Variants in UBN2 observed in about 807,000 individuals in gnomAD.
UBN2 encodes ubinuclein 2, also known as ubinuclein-2.
UBN2 carries 35 observed loss-of-function variants against 120.2 expected under a neutral mutation model. The observed-to-expected ratio is 0.29, with a 90% CI of 0.22 to 0.39. UBN2 has a LOEUF of 0.39. UBN2 is among the 10% of genes least tolerant of loss of function. The pLI, the probability that UBN2 is intolerant of heterozygous loss-of-function variation, is 1.00. For synonymous variants in UBN2, 661 were observed against 648.7 expected, an observed-to-expected ratio of 1.02 and a Z score of -0.29; for missense variants, 1,693 against 1,663.2, an observed-to-expected ratio of 1.02 and a Z score of -0.31.
intron 15 of UBN2, among the ~76,000 whole-genome samples, chr7:139,289,976 C>T (rs1563227106): frequency 6.6e-6 from 1 of 152,152 alleles, no homozygotes; most frequent in East Asian, 1.9e-4. Flanking sequence ...TCACTGCAAC[C>T]TCTGCCTCCC....
intron 7 of UBN2, among the ~76,000 whole-genome samples, chr7:139,266,645 A>G (rs1474297607): frequency 6.6e-6 from 1 of 152,236 alleles, no homozygotes; most frequent in Non-Finnish European, 1.5e-5. Flanking sequence ...AGTGACGACT[A>G]TGCAGGTTGG....
intron 15 of UBN2, among the ~76,000 whole-genome samples, chr7:139,291,307 G>C (rs939797584): frequency 7.2e-6 from 1 of 138,760 alleles, no homozygotes; most frequent in Non-Finnish European, 1.5e-5. Context: ...GTTGCAGTGA[G>C]CCAAGATCGC....
intron 6 of UBN2, among the ~76,000 whole-genome samples, chr7:139,264,139 C>T (rs1169358402): frequency 6.6e-6 from 1 of 152,266 alleles, no homozygotes; most frequent in African/African-American, 2.4e-5. Context: ...TTTTTGCCTT[C>T]ACCAAATCAT....
the UBN2 span, among the ~76,000 whole-genome samples, chr7:139,326,862 T>C: frequency 6.6e-6 from 1 of 152,242 alleles, no homozygotes; most frequent in South Asian, 2.1e-4. Flanking sequence ...CACTGCAAAC[T>C]GTGGTGACTG....
At chr7:139,258,466 A>G in intron 3 of UBN2, 22 bp from the exon 4 acceptor site, 1 of 1,531,508 alleles carries the variant, frequency 6.5e-7, no homozygotes, top group Non-Finnish European at 8.8e-7. Context: ...TATAGCGGAA[A>G]CTTTTTTGTT....
Position 139,261,273 on chromosome 7 carries a change from C to A in UBN2, c.927C>A (p.His309Gln), listed in dbSNP as rs867014844. Reference sequence around the variant, plus strand: ...ACAGAGTTGTGGCTCTAAATTCACACAAGTCTGAAAAAAAGAAGAAACGTT... The same window carrying A: ...ACAGAGTTGTGGCTCTAAATTCACAAAAGTCTGAAAAAAAGAAGAAACGTT... ...KQLGVVALNS[H>Q]KSEKKKKRYK... is the part of the protein sequence containing the mutation. The change falls in exon 6 of 18, where the codon CAC (histidine) becomes CAA (glutamine). Residue 309 changes from histidine (H) to glutamine (Q), a missense_variant. Coordinates refer to ENST00000473989, the MANE Select transcript of UBN2 (RefSeq NM_173569.4). The A allele has an allele frequency of 1.2e-6, 2 of 1,608,422 alleles. No individual in the cohort carries two copies. Among genetic ancestry groups the A allele is most frequent in the Non-Finnish European group, 8.5e-7 (1 of 1,178,050 alleles).
chr7:139,268,763 G>A (rs1056090212), intron 7 of UBN2, among the ~76,000 whole-genome samples: 4 of 152,182 alleles, frequency 2.6e-5, no homozygotes, highest in African/African-American at 9.6e-5. Context: ...GAGGAAAGGA[G>A]CTTTTGGTTA....
At chr7:139,282,541 C>T (rs909985050) in intron 14 of UBN2, among the ~76,000 whole-genome samples, 2 of 152,082 alleles carry the variant, frequency 1.3e-5, no homozygotes, top group African/African-American at 2.4e-5. Flanking sequence ...TATGTACTGG[C>T]TGTAGGGTAG....
intron 17 of UBN2, among the ~76,000 whole-genome samples, chr7:139,296,090 A>G (rs1798102347): frequency 6.6e-6 from 1 of 152,220 alleles, no homozygotes; most frequent in Non-Finnish European, 1.5e-5. Context: ...AATGTTTTTT[A>G]ATGACTTCAT....
chr7:139,252,460 T>C (rs917435551), intron 3 of UBN2, among the ~76,000 whole-genome samples: 1 of 152,212 alleles, frequency 6.6e-6, no homozygotes, highest in Non-Finnish European at 1.5e-5. Flanking sequence ...ACTTTATCTA[T>C]GGTCTGTGAA....
the UBN2 span, among the ~76,000 whole-genome samples, chr7:139,313,651 G>A: frequency 6.6e-6 from 1 of 151,968 alleles, no homozygotes; most frequent in Non-Finnish European, 1.5e-5. Context: ...TATTTTAATG[G>A]GAACATTAAA....
At position 139,275,970 on chromosome 7, in the gene UBN2, T is replaced by C. The variant is rs531358881; in HGVS notation, c.1974-127T>C. 1,358 of 727,538 alleles carry C rather than the reference T, an allele frequency of 1.9e-3. 3 individuals are homozygous for C. Among genetic ancestry groups the C allele is most frequent in the Admixed American group, 3.1e-3 (120 of 38,200 alleles). The allele number at this position is 727,538 out of a possible 1,614,324, so 45.1% of individuals were successfully genotyped here. A position where few individuals can be genotyped will look rare whatever the true frequency, so the allele number is the denominator to read the frequency against. On this transcript the variant is annotated intron_variant, in intron 11 of 17. Transcript: ENST00000473989. ...ATAGATTATTGAGTATACTGTACCA[T>C]TATAACTTTTACTTGGTAAATAAGC... is the stretch of plus-strand genomic sequence containing the variant.
chr7:139,328,276 A>G, the UBN2 span, among the ~76,000 whole-genome samples: 1 of 152,222 alleles, frequency 6.6e-6, no homozygotes. Context: ...ACATGGTGGC[A>G]GGGGAGAGAG....
chr7:139,317,765 C>T, the UBN2 span, among the ~76,000 whole-genome samples: 2 of 152,116 alleles, frequency 1.3e-5, no homozygotes, highest in South Asian at 2.1e-4. Context: ...CGGGTTCAAG[C>T]GATTCTCCTG....
chr7:139,284,264 GCAGA>G lies in UBN2; in HGVS notation c.3363_3366del (p.Arg1121SerfsTer5). The G allele has an allele frequency of 1.2e-6, 2 of 1,614,136 alleles. No individual in the cohort carries two copies. The highest frequency in any genetic ancestry group is 1.7e-6 in the Non-Finnish European group (2 of 1,180,030). On this transcript the variant is annotated frameshift_variant, in exon 15 of 18. Coordinates refer to ENST00000473989, the MANE Select transcript of UBN2 (RefSeq NM_173569.4). LOFTEE classifies it high-confidence loss of function. ...AAACAGCCCAGTGGAATGAACATCAGCAGACAGTCTCCCACCTTGAATTTATTGC... is the reference window on the plus strand; with the variant it reads ...AAACAGCCCAGTGGAATGAACATCAGCAGTCTCCCACCTTGAATTTATTGC...
chr7:139,307,385 C>T lies in UBN2; in HGVS notation c.*9549C>T, dbSNP rs1374999034. 4.6e-5 allele frequency: 7 copies of T among 151,064 alleles called. No individual in the cohort carries two copies. The highest frequency in any genetic ancestry group is 1.5e-4 in the African/African-American group (6 of 41,008). 9.4% of individuals were successfully genotyped at this position (151,064 alleles called of 1,614,324 possible). On this transcript the variant is annotated 3_prime_UTR_variant, in exon 18 of 18. Transcript: ENST00000473989. ...TTGATGTTTGTAATAATCTCAGGAC[C>T]TGAAAGATTGTAGCATTTAGTGTGT...
chr7:139,247,136 C>T (rs1796492270), intron 2 of UBN2, among the ~76,000 whole-genome samples: 2 of 151,246 alleles, frequency 1.3e-5, no homozygotes, highest in South Asian at 4.2e-4. Flanking sequence ...ACCTGATTCG[C>T]TGAGAGAGAG....
chr7:139,314,544 G>A, the UBN2 span, among the ~76,000 whole-genome samples: 155 of 152,144 alleles, frequency 1.0e-3, 1 homozygote, highest in African/African-American at 3.6e-3. Context: ...GGACTGCTAT[G>A]GTCTGATCTC....
In UBN2 at chr7:139,283,380, G is replaced by C. The variant is rs1448136326; in HGVS notation, c.2475G>C (p.Gln825His). The change falls in exon 15 of 18, where the codon CAG (glutamine) becomes CAC (histidine). Residue 825 changes from glutamine to histidine, a missense_variant. Physicochemically the swap from Gln to His is conservative, Grantham distance 24. Transcript: ENST00000473989. ...LATPKKLDST[Q>H]TTHSSSLIAG... ...CTCCCAAAAAACTAGATTCTACTCA[G>C]ACTACACATTCTTCAAGTCTTATTG... The C allele has an allele frequency of 6.2e-7, 1 of 1,613,840 alleles. No homozygotes were observed. Among genetic ancestry groups the C allele is most frequent in the African/African-American group, 1.3e-5 (1 of 74,820 alleles).
Sources: gnomAD v4.1 joint callset for allele counts (sites outside exome capture counted in the v4.1 genomes callset) on GRCh38, gnomAD v4.1.1 for gene constraint, MANE v1.5 for transcripts, NCBI Gene and HGNC (gene_info 2026-07-23, HGNC 2026-07-21) for gene names.